Variants in SRI observed in about 807,000 individuals in gnomAD.
SRI encodes the protein sorcin.
SRI carries 30 observed loss-of-function variants against 33.3 expected under a neutral mutation model. The observed-to-expected ratio is 0.90, with a 90% CI of 0.67 to 1.22. SRI has a LOEUF of 1.22. Ranked by LOEUF, SRI falls within the 50% of genes most tolerant of loss-of-function variation. The pLI is 0.00. For missense variants in SRI, 243 were observed against 250.8 expected (o/e 0.97, Z 0.21); for synonymous variants, 75 against 89.9 (o/e 0.83, Z 0.94).
At chr7:88,224,323 C>T (rs997943754), upstream of SRI, among the ~76,000 whole-genome samples, 3 of 152,210 alleles carry the variant, frequency 2.0e-5, no homozygotes, top group Middle Eastern at 3.2e-3. Context: ...TGGACTTCTT[C>T]GCTCAGATAA....
At chr7:88,217,269 A>G in intron 2 of SRI, 78 bp from the exon 3 acceptor site, 2 of 1,163,794 alleles carry the variant, frequency 1.7e-6, no homozygotes, top group Non-Finnish European at 2.6e-6. Flanking sequence ...CAATGAAGCA[A>G]TAACAACAAA....
At chr7:88,216,398 T>G (rs1159836134) in intron 3 of SRI, among the ~76,000 whole-genome samples, 1 of 152,070 alleles carries the variant, frequency 6.6e-6, no homozygotes, top group Non-Finnish European at 1.5e-5. Context: ...AAAGGCCACT[T>G]CCCACTTAGC....
intron 3 of SRI, among the ~76,000 whole-genome samples, chr7:88,214,150 A>C (rs932007937): frequency 6.6e-6 from 1 of 152,360 alleles, no homozygotes; most frequent in Non-Finnish European, 1.5e-5. Context: ...ATCAAGAAAG[A>C]CTTTATAGAA....
In SRI at chr7:88,206,282, G is replaced by T. The variant is rs1230804756; in HGVS notation, c.*196C>A. On this transcript the variant is annotated 3_prime_UTR_variant, in exon 8 of 8. Transcript: ENST00000265729. ...AAGTTCTAAATGGTGTAACAGACTA[G>T]ATCTTATTAAAGTTCCAAAGAATTT... is the stretch of plus-strand genomic sequence containing the variant. 1.5e-6 allele frequency: 1 copy of T among 660,208 alleles called. No homozygotes were observed. Among genetic ancestry groups the T allele is most frequent in the Non-Finnish European group, 2.7e-6 (1 of 373,362 alleles). The allele number at this position is 660,208 out of a possible 1,614,324, so 40.9% of individuals were successfully genotyped here.
Position 88,218,845 on chromosome 7 carries a change from AG to A in SRI, c.135+13del, listed in dbSNP as rs749040752. ...GACAATAACGGCTCTTTAATATTAA[AG>A]GGAAAAGCTAACCTGTCCAGCTACA... On this transcript the variant is annotated intron_variant, in intron 2 of 7. Transcript: ENST00000265729. The A allele has an allele frequency of 1.2e-5, 19 of 1,613,424 alleles. No individual in the cohort carries two copies. The highest frequency in any genetic ancestry group is 1.6e-5 in the Non-Finnish European group (19 of 1,179,494).
At chr7:88,223,339 T>C (rs1294275781), upstream of SRI, among the ~76,000 whole-genome samples, 1 of 152,122 alleles carries the variant, frequency 6.6e-6, no homozygotes, top group African/African-American at 2.4e-5. Context: ...TTATACAGTT[T>C]TGAGGAAGGG....
chr7:88,214,710 AAATT>A (rs1184154575), intron 3 of SRI: 3 of 363,860 alleles, frequency 8.2e-6, no homozygotes, highest in South Asian at 1.1e-4. Context: ...ATTATAATTA[AAATT>A]ATTAATTCAA....
upstream of SRI, among the ~76,000 whole-genome samples, chr7:88,221,155 T>C (rs2115819233): frequency 6.6e-6 from 1 of 152,334 alleles, no homozygotes; most frequent in South Asian, 2.1e-4. Context: ...TTCACAAATA[T>C]TGGAGCACCC....
At chr7:88,212,101 A>G (rs981202631) in intron 3 of SRI, among the ~76,000 whole-genome samples, 20 of 152,386 alleles carry the variant, frequency 1.3e-4, no homozygotes, top group African/African-American at 4.8e-4. Context: ...AACATTTTTA[A>G]CAGCTCTTTG....
chr7:88,225,107 G>A (rs942465716), intron 1 of SRI, among the ~76,000 whole-genome samples: 1 of 152,074 alleles, frequency 6.6e-6, no homozygotes, highest in Non-Finnish European at 1.5e-5. Context: ...CACAGCAAGG[G>A]CAGTCATCAG....
intron 7 of SRI, among the ~76,000 whole-genome samples, chr7:88,207,083 T>C (rs1002762390): frequency 6.6e-6 from 1 of 152,216 alleles, no homozygotes; most frequent in Non-Finnish European, 1.5e-5. Context: ...CATAAAGCAA[T>C]AGATTCTGCT....
upstream of SRI, among the ~76,000 whole-genome samples, chr7:88,222,700 C>T (rs910973388): frequency 2.6e-5 from 4 of 152,004 alleles, no homozygotes; most frequent in African/African-American, 7.2e-5. Context: ...ACGCCGCATA[C>T]CTACAACTAT....
upstream of SRI, among the ~76,000 whole-genome samples, chr7:88,220,745 T>C (rs895947920): frequency 6.6e-6 from 1 of 152,180 alleles, no homozygotes; most frequent in African/African-American, 2.4e-5. Context: ...CATATCGTTC[T>C]TAGGAAAATG....
rs775544968 is a variant in SRI at position 88,218,859 on chromosome 7, C to T, written c.135G>A (p.Gln45=). Residue 45 remains glutamine (Q), a splice_region_variant and synonymous_variant, in exon 2 of 8, where the codon CAG becomes CAA. Transcript: ENST00000265729. ...LYGYFAAVAG[Q]DGQIDADELQ... ...TTTAATATTAAAGGGAAAAGCTAACCTGTCCAGCTACAGCAGCAAAGTAAC... is the reference window on the plus strand; with the variant it reads ...TTTAATATTAAAGGGAAAAGCTAACTTGTCCAGCTACAGCAGCAAAGTAAC... The T allele has an allele frequency of 2.5e-6, 4 of 1,614,034 alleles. No homozygotes were observed. Among genetic ancestry groups the T allele is most frequent in the Non-Finnish European group, 3.4e-6 (4 of 1,179,942 alleles).
intron 3 of SRI, among the ~76,000 whole-genome samples, chr7:88,213,627 C>A (rs1380564043): frequency 6.6e-6 from 1 of 152,094 alleles, no homozygotes; most frequent in East Asian, 1.9e-4. Flanking sequence ...TTCCCAACAC[C>A]CAGGCATTGA....
In SRI at chr7:88,217,186, C is replaced by T. The variant is rs1219543770; in HGVS notation, c.141G>A (p.Gly47=). Residue 47 remains glycine (G), a synonymous_variant, in exon 3 of 8, where the codon GGG becomes GGA. Coordinates refer to ENST00000265729, the MANE Select transcript of SRI (RefSeq NM_003130.4). ...GYFAAVAGQD[G]QIDADELQRC... ...TCTGCAATTCATCAGCATCTATCTG[C>T]CCATCCTTTTGAAAAAAAATTAGAG... 1.2e-6 allele frequency: 2 copies of T among 1,612,422 alleles called. No individual in the cohort carries two copies. The highest frequency in any genetic ancestry group is 1.7e-5 in the Admixed American group (1 of 60,020).
rs753438739 is a variant in SRI at position 88,217,105 on chromosome 7, T to C, written c.205+17A>G. 5.0e-6 allele frequency: 8 copies of C among 1,612,002 alleles called. No individual in the cohort carries two copies. Among genetic ancestry groups the C allele is most frequent in the Non-Finnish European group, 6.8e-6 (8 of 1,178,160 alleles). ...CACAAGAGTATATTTAGACAAACTT[T>C]GGGACTGTCAACTTACGTTTGTATC... On this transcript the variant is annotated intron_variant, in intron 3 of 7. Transcript: ENST00000265729.
rs1851748153 is a variant in SRI at position 88,217,195 on chromosome 7, T to C, written c.136-4A>G. 3.1e-6 allele frequency: 5 copies of C among 1,611,698 alleles called. No homozygotes were observed. The highest frequency in any genetic ancestry group is 2.7e-5 in the African/African-American group (2 of 74,806). On this transcript the variant is annotated splice_polypyrimidine_tract_variant and splice_region_variant and intron_variant, in intron 2 of 7. Coordinates refer to ENST00000265729, the MANE Select transcript of SRI (RefSeq NM_003130.4). ...CATCAGCATCTATCTGCCCATCCTT[T>C]TGAAAAAAAATTAGAGGAATCATAA... is the stretch of plus-strand genomic sequence containing the variant.
At chr7:88,221,934 C>T (rs188677968), upstream of SRI, among the ~76,000 whole-genome samples, 36 of 148,622 alleles carry the variant, frequency 2.4e-4, 1 homozygote, top group East Asian at 6.3e-3. Flanking sequence ...TGAGAATATG[C>T]GGTGTTTGGT....
Sources: allele counts gnomAD v4.1 joint callset (sites outside exome capture counted in the v4.1 genomes callset), GRCh38; gene constraint gnomAD v4.1.1; transcripts MANE v1.5; gene names NCBI Gene and HGNC (gene_info 2026-07-23, HGNC 2026-07-21).